The following FREM2 variants were observed in gnomAD, a reference collection of about 807,000 sequenced individuals.
The protein encoded by FREM2 is FRAS1 related extracellular matrix 2, also known as FRAS1-related extracellular matrix protein 2.
In FREM2, 119 loss-of-function variants were observed where a neutral mutation model predicts 219.9. That is an observed-to-expected ratio of 0.54 (90% CI 0.47 to 0.63). The LOEUF (loss-of-function observed/expected upper bound fraction) is 0.63. Ranked by LOEUF, FREM2 falls within the 30% of genes least tolerant of loss-of-function variation. FREM2 has a pLI of 0.00. For missense variants in FREM2, 4,030 were observed against 3,993.6 expected (o/e 1.01, Z -0.25); for synonymous variants, 1,562 against 1,522.8 (o/e 1.03, Z -0.60).
intron 2 of FREM2, among the ~76,000 whole-genome samples, chr13:38,699,030 TA>T (rs553715956): frequency 3.3e-5 from 5 of 151,962 alleles, no homozygotes; most frequent in African/African-American, 7.3e-5. Context: ...AATCAACTCA[TA>T]AAAAAAACCT....
intron 2 of FREM2, 46 bp downstream of exon 2, chr13:38,697,833 TTCTTGGTTGCTC>T: frequency 9.4e-7 from 1 of 1,061,064 alleles, no homozygotes; most frequent in Non-Finnish European, 1.5e-6. Context: ...AGAGACGCTT[TTCTTGGTTGCTC>T]TCTGATGACA....
At chr13:38,724,365 A>G (rs1207120568) in intron 2 of FREM2, among the ~76,000 whole-genome samples, 1 of 152,212 alleles carries the variant, frequency 6.6e-6, no homozygotes, top group Non-Finnish European at 1.5e-5. Flanking sequence ...CAGAAAGATA[A>G]TGAAACTTAA....
intron 6 of FREM2, among the ~76,000 whole-genome samples, chr13:38,825,436 A>T (rs1195769044): frequency 2.1e-4 from 28 of 134,100 alleles, no homozygotes; most frequent in Non-Finnish European, 8.9e-5. Flanking sequence ...TTATTTATTA[A>T]AAAAAAACCC....
intron 2 of FREM2, among the ~76,000 whole-genome samples, chr13:38,747,745 T>A (rs2137789314): frequency 6.6e-6 from 1 of 152,280 alleles, no homozygotes; most frequent in South Asian, 2.1e-4. Flanking sequence ...ATTGATATTC[T>A]CATGGGAAAC....
rs577811747 is a variant in FREM2 at position 38,736,407 on chromosome 13, T to C, written c.5264-27897T>C. On this transcript the variant is annotated intron_variant, in intron 2 of 23. Transcript: ENST00000280481. The stretch of plus-strand genomic sequence containing the variant: ...TATTAACTGATAGATCATCAAAACC[T>C]CTCTGTAACCATGGAACAGGTATTG... Among the ~76,000 whole-genome samples, 5 of 152,266 alleles carry C rather than the reference T, an allele frequency of 3.3e-5. No individual in the cohort carries two copies. In the South Asian group the frequency reaches 1.0e-3, roughly 32 times the overall value.
intron 2 of FREM2, among the ~76,000 whole-genome samples, chr13:38,731,870 C>T (rs2137768220): frequency 6.6e-6 from 1 of 152,262 alleles, no homozygotes; most frequent in Non-Finnish European, 1.5e-5. Context: ...CAGTGTACAA[C>T]AGAAACCAAG....
At chr13:38,825,609 AG>A (rs1425184626) in intron 6 of FREM2, among the ~76,000 whole-genome samples, 1 of 152,142 alleles carries the variant, frequency 6.6e-6, no homozygotes, top group Non-Finnish European at 1.5e-5. Context: ...TGGCTGCTGC[AG>A]TTTATATTCA....
chr13:38,821,557 T>G (rs1414925458), intron 6 of FREM2: 1 of 152,122 alleles, frequency 6.6e-6, no homozygotes, highest in Non-Finnish European at 1.5e-5. Context: ...TTTTTTCTCT[T>G]TTTTCTAAGA....
chr13:38,736,570 C>G (rs998296407), intron 2 of FREM2, among the ~76,000 whole-genome samples: 1 of 152,084 alleles, frequency 6.6e-6, no homozygotes, highest in Non-Finnish European at 1.5e-5. Context: ...ATGGCATTTT[C>G]TTTCTATCCA....
intron 6 of FREM2, among the ~76,000 whole-genome samples, chr13:38,787,760 TTTA>T (rs1314342311): frequency 1.3e-4 from 19 of 149,480 alleles, no homozygotes; most frequent in Admixed American, 7.3e-4. Context: ...TTATTTATTA[TTTA>T]TTATTATTTA....
At position 38,872,806 on chromosome 13, in the gene FREM2, A is replaced by G. The variant is rs1566174274; in HGVS notation, c.8048A>G (p.His2683Arg). Residue 2683 changes from histidine (H) to arginine (R), a missense_variant, in exon 17 of 24, where the codon CAT becomes CGT. By Grantham distance (29) the His-to-Arg change is conservative. Around this residue, in one of 2 missense-constraint regions of FREM2, gnomAD observed 928 missense variants for 1,042.9 expected, o/e 0.89. Transcript: ENST00000280481. ...RVPLYVSYVF[H>R]SPVGVGGWQH... ...CCTCTGTATGTTTCCTACGTGTTCC[A>G]TTCCCCCGTGGGGGTAGGAGGCTGG... is the stretch of plus-strand genomic sequence containing the variant. 1 of 1,614,060 alleles carries G rather than the reference A, an allele frequency of 6.2e-7. No homozygotes were observed. Among genetic ancestry groups the G allele is most frequent in the Non-Finnish European group, 8.5e-7 (1 of 1,179,938 alleles).
chr13:38,752,279 A>G (rs952777015), intron 2 of FREM2, among the ~76,000 whole-genome samples: 13 of 152,154 alleles, frequency 8.5e-5, no homozygotes, highest in African/African-American at 3.1e-4. Flanking sequence ...TCACAGGAGC[A>G]ATATCTAAGT....
At position 38,691,361 on chromosome 13, in the gene FREM2, G is replaced by A; in HGVS notation, c.4017G>A (p.Leu1339=). 6.2e-7 allele frequency: 1 copy of A among 1,613,694 alleles called. No homozygotes were observed. The highest frequency in any genetic ancestry group is 8.5e-7 in the Non-Finnish European group (1 of 1,179,678). The change falls in exon 1 of 24, where the codon TTG becomes TTA. Residue 1339 remains leucine (L), a synonymous_variant. Coordinates refer to ENST00000280481, the MANE Select transcript of FREM2 (RefSeq NM_207361.6). Reference sequence around the variant, plus strand: ...ATTTAGATTCAGAAGACAAATCTTTGGTTTATATTATTCGTTATGGGCCAG... The same window carrying A: ...ATTTAGATTCAGAAGACAAATCTTTAGTTTATATTATTCGTTATGGGCCAG... ...ATDLDSEDKS[L]VYIIRYGPGH...
intron 6 of FREM2, among the ~76,000 whole-genome samples, chr13:38,803,070 T>C (rs749380306): frequency 1.5e-4 from 23 of 152,200 alleles, no homozygotes; most frequent in Non-Finnish European, 2.6e-4. Context: ...TATTTCGGTT[T>C]CTTTCCATGG....
chr13:38,876,106 A>G lies in FREM2; in HGVS notation c.8366A>G (p.Tyr2789Cys), dbSNP rs747741192. 2 of 1,613,970 alleles carry G rather than the reference A, an allele frequency of 1.2e-6. No homozygotes were observed. Among genetic ancestry groups the G allele is most frequent in the African/African-American group, 1.3e-5 (1 of 74,894 alleles). ...CGCCTCATAAGGAGTGAACCAACCT[A>G]TAACCAGCCAGTACAGCAGTGGAGC... ...SLRLIRSEPT[Y>C]NQPVQQWSFV... The change falls in exon 19 of 24, where the codon TAT becomes TGT. Residue 2789 changes from tyrosine to cysteine, a missense_variant. By Grantham distance (194) the Tyr-to-Cys change is radical. Transcript: ENST00000280481.
Position 38,872,742 on chromosome 13 carries a change from G to T in FREM2, c.7984G>T (p.Val2662Phe). 6.2e-7 allele frequency: 1 copy of T among 1,613,700 alleles called. No homozygotes were observed. The highest frequency in any genetic ancestry group is 8.5e-7 in the Non-Finnish European group (1 of 1,179,692). ...GATTGATGTAATTTTGTTGTTTTAG[G>T]TCCTAAACCTAGTGCAGTCCTATGT... ...CGGTIGTDGQ[V>F]LNLVQSYVTL... The change falls in exon 17 of 24, where the codon GTC (valine) becomes TTC (phenylalanine). Residue 2662 changes from valine to phenylalanine, a missense_variant and splice_region_variant. Transcript: ENST00000280481.
intron 2 of FREM2, among the ~76,000 whole-genome samples, chr13:38,712,719 G>C (rs979358235): frequency 2.0e-5 from 3 of 151,320 alleles, no homozygotes; most frequent in Admixed American, 2.0e-4. Context: ...TTTCCTGTGA[G>C]ATTCCAGTGT....
Position 38,729,384 on chromosome 13 carries a change from T to C in FREM2, c.5263+31597T>C, listed in dbSNP as rs138178127. Among the ~76,000 whole-genome samples, 511 of 152,284 alleles carry C rather than the reference T, an allele frequency of 3.4e-3. 2 individuals are homozygous for C. The highest frequency in any genetic ancestry group is 0.011 in the African/African-American group (471 of 41,566). Reference sequence around the variant, plus strand: ...GTTATTCTTGAGATGTAATGCCACATTGCTGTCTAAAAAGAATATAAATTT... The same window carrying C: ...GTTATTCTTGAGATGTAATGCCACACTGCTGTCTAAAAAGAATATAAATTT... On this transcript the variant is annotated intron_variant, in intron 2 of 23. Transcript: ENST00000280481.
chr13:38,859,262 T>C (rs371084132), intron 13 of FREM2, 25 bp from the exon 14 acceptor site: 5 of 1,609,372 alleles, frequency 3.1e-6, no homozygotes, highest in African/African-American at 1.3e-5. Context: ...ACTCTGTTCC[T>C]AACACAGTCA....
Sources: allele counts gnomAD v4.1 joint callset (sites outside exome capture counted in the v4.1 genomes callset), GRCh38; gene constraint gnomAD v4.1.1; regional missense constraint gnomAD v4.1.1; transcripts MANE v1.5; gene names NCBI Gene and HGNC (gene_info 2026-07-23, HGNC 2026-07-21).